The following RGL1 variants were observed in gnomAD, a reference collection of about 807,000 sequenced individuals.
The protein encoded by RGL1 is ral guanine nucleotide dissociation stimulator-like 1.
RGL1 carries 24 observed loss-of-function variants against 95.2 expected under a neutral mutation model. That is an observed-to-expected ratio of 0.25 (90% CI 0.18 to 0.35). The LOEUF (loss-of-function observed/expected upper bound fraction) is 0.35. RGL1 is among the 10% of genes least tolerant of loss of function. The pLI is 1.00. For synonymous variants in RGL1, 329 were observed against 344.9 expected (o/e 0.95, Z 0.51); for missense variants, 715 against 936.3 (o/e 0.76, Z 3.08).
At chr1:183,655,502 C>T (rs970963001) in intron 1 of RGL1, among the ~76,000 whole-genome samples, 2 of 152,166 alleles carry the variant, frequency 1.3e-5, no homozygotes, top group Admixed American at 6.6e-5. Context: ...ATTTAGAAAG[C>T]AAGCTTCAAG....
chr1:183,794,335 C>T (rs193270653), intron 2 of RGL1, among the ~76,000 whole-genome samples: 103 of 152,194 alleles, frequency 6.8e-4, no homozygotes, highest in Non-Finnish European at 7.4e-5. Context: ...TGCAAAGGTA[C>T]AGTTGGAAGG....
At chr1:183,826,139 C>T (rs914645237) in intron 2 of RGL1, among the ~76,000 whole-genome samples, 8 of 152,032 alleles carry the variant, frequency 5.3e-5, no homozygotes, top group Admixed American at 1.3e-4. Context: ...CCGCAAGCTC[C>T]GCCTCCCTGG....
chr1:183,692,353 A>G (rs1653996646), intron 1 of RGL1, among the ~76,000 whole-genome samples: 2 of 152,186 alleles, frequency 1.3e-5, no homozygotes, highest in Non-Finnish European at 2.9e-5. Context: ...AGACAGTGCA[A>G]TCCATTCCCA....
chr1:183,848,180 T>G (rs1050001295), intron 3 of RGL1, among the ~76,000 whole-genome samples: 2 of 152,124 alleles, frequency 1.3e-5, no homozygotes, highest in Non-Finnish European at 2.9e-5. Context: ...CATTCTTAGA[T>G]CCACAGGAAG....
chr1:183,673,298 G>T (rs1296555149), intron 1 of RGL1, among the ~76,000 whole-genome samples: 3 of 152,192 alleles, frequency 2.0e-5, no homozygotes, highest in African/African-American at 7.2e-5. Flanking sequence ...TTGGGTTCCT[G>T]AACTATATAG....
At chr1:183,647,723 A>T in intron 1 of RGL1, 1 of 1,608,664 alleles carries the variant, frequency 6.2e-7, no homozygotes, top group Admixed American at 1.7e-5. Flanking sequence ...CCTCCTTGCT[A>T]CTTGCAAACT....
intron 5 of RGL1, among the ~76,000 whole-genome samples, chr1:183,883,424 T>C (rs1271801631): frequency 6.6e-6 from 1 of 152,126 alleles, no homozygotes; most frequent in African/African-American, 2.4e-5. Flanking sequence ...AAAAATTGCA[T>C]GGTTGGGGTT....
chr1:183,884,105 T>C (rs1442215119), intron 6 of RGL1, among the ~76,000 whole-genome samples, 195 bp downstream of exon 6: 1 of 152,244 alleles, frequency 6.6e-6, no homozygotes, highest in Non-Finnish European at 1.5e-5. Context: ...TGAGCTCTTC[T>C]TGCAACTCTA....
intron 4 of RGL1, among the ~76,000 whole-genome samples, chr1:183,879,715 T>C (rs1424086417): frequency 6.6e-6 from 1 of 152,226 alleles, no homozygotes; most frequent in African/African-American, 2.4e-5. Flanking sequence ...TCAGGAGTGT[T>C]GGTAAAGTCT....
intron 15 of RGL1, among the ~76,000 whole-genome samples, chr1:183,916,083 A>G (rs549757489): frequency 6.6e-6 from 1 of 152,338 alleles, no homozygotes; most frequent in East Asian, 1.9e-4. Flanking sequence ...CTGCGTTGGC[A>G]AGGCTTTCCT....
chr1:183,767,975 C>A (rs2102322600), intron 2 of RGL1, among the ~76,000 whole-genome samples: 1 of 152,092 alleles, frequency 6.6e-6, no homozygotes, highest in African/African-American at 2.4e-5. Context: ...AATTGCCCAA[C>A]TGCCATGTAT....
At chr1:183,925,593 C>T (rs1404192432) in intron 17 of RGL1, among the ~76,000 whole-genome samples, 1 of 152,110 alleles carries the variant, frequency 6.6e-6, no homozygotes, top group Admixed American at 6.5e-5. Context: ...ATAAAATACT[C>T]GTTTGACGGG....
At chr1:183,645,180 C>A (rs1215943504) in intron 1 of RGL1, among the ~76,000 whole-genome samples, 1 of 152,164 alleles carries the variant, frequency 6.6e-6, no homozygotes, top group African/African-American at 2.4e-5. Flanking sequence ...GGCTATGTAA[C>A]CTGGATGACT....
chr1:183,683,009 C>G (rs1434704636), intron 1 of RGL1, among the ~76,000 whole-genome samples: 1 of 147,042 alleles, frequency 6.8e-6, no homozygotes, highest in Non-Finnish European at 1.5e-5. Context: ...TTTTTTTTTG[C>G]TTTCCATTTG....
rs184840920 is a variant in RGL1, at chr1:183,795,101, T to C, written c.133-11274T>C. Among the ~76,000 whole-genome samples, 56 of 152,312 alleles carry C rather than the reference T, an allele frequency of 3.7e-4. No homozygotes were observed. The East Asian group carries it at 0.01, about 27-fold the overall frequency. ...CCAGGCTGGTGTTGAATTCCTGGGC[T>C]CAAGTGATCCTCCTGCCTCAGCCTC... On this transcript the variant is annotated intron_variant, in intron 2 of 18. Coordinates refer to the RGL1 transcript ENST00000304685.
At position 183,750,042 on chromosome 1, in the gene RGL1, G is replaced by A. The variant is rs185824232; in HGVS notation, c.132+7753G>A. ...GAATCTGATGATTATGTGTCTTGGG[G>A]TTGCTCCTCTTGAGGAGCATCTTAG... On this transcript the variant is annotated intron_variant, in intron 2 of 18. Coordinates refer to the RGL1 transcript ENST00000304685. Among the ~76,000 whole-genome samples the A allele has an allele frequency of 3.2e-3, 481 of 152,174 alleles. 2 individuals carry two copies. The highest frequency in any genetic ancestry group is 4.0e-3 in the Non-Finnish European group (269 of 68,002).
Position 183,928,431 on chromosome 1 carries a change from C to T in RGL1, c.*2139C>T, listed in dbSNP as rs1206691882. On this transcript the variant is annotated 3_prime_UTR_variant, in exon 18 of 18. Transcript: ENST00000360851. ...CAGCCGGGTAATGCTTTTAGCTGCT[C>T]GCATGCTTGTCTTTCTGCATCTCCA... 3.9e-5 allele frequency: 6 copies of T among 152,662 alleles called. No homozygotes were observed. Among genetic ancestry groups the T allele is most frequent in the Non-Finnish European group, 5.9e-5 (4 of 68,022 alleles). 9.5% of individuals were successfully genotyped at this position (152,662 alleles called of 1,614,324 possible).
In RGL1 at chr1:183,872,316, T is replaced by A. The variant is rs143433917; in HGVS notation, c.425+6243T>A. 1.5e-3 allele frequency among the ~76,000 whole-genome samples: 225 copies of A among 152,302 alleles called. 2 individuals are homozygous for A. Among genetic ancestry groups the A allele is most frequent in the African/African-American group, 3.7e-3 (152 of 41,570 alleles). Reference sequence around the variant, plus strand: ...TTTATATGAGATGGCCATATCTCCCTCTCTCTATATATAACTTTATTTAAA... The same window carrying A: ...TTTATATGAGATGGCCATATCTCCCACTCTCTATATATAACTTTATTTAAA... On this transcript the variant is annotated intron_variant, in intron 4 of 17. Transcript: ENST00000360851.
At chr1:183,857,711 C>T (rs1303915310) in intron 3 of RGL1, among the ~76,000 whole-genome samples, 1 of 152,210 alleles carries the variant, frequency 6.6e-6, no homozygotes, top group African/African-American at 2.4e-5. Flanking sequence ...AGAATTATAT[C>T]CAACCATAAT....
Sources: allele counts gnomAD v4.1 joint callset (sites outside exome capture counted in the v4.1 genomes callset), GRCh38; gene constraint gnomAD v4.1.1; transcripts MANE v1.5; gene names NCBI Gene and HGNC (gene_info 2026-07-23, HGNC 2026-07-21).